Variants in HINFP observed in about 807,000 individuals in gnomAD.
The protein encoded by HINFP is histone H4 transcription factor.
HINFP carries 20 observed loss-of-function variants against 50.1 expected under a neutral mutation model. That is an observed-to-expected ratio of 0.40 (90% CI 0.28 to 0.58). The LOEUF is 0.58. Ranked by LOEUF, HINFP falls within the 20% of genes least tolerant of loss-of-function variation. The pLI, the probability that HINFP is intolerant of heterozygous loss-of-function variation, is 0.45. For synonymous variants in HINFP, 247 were observed against 243.7 expected, an observed-to-expected ratio of 1.01 and a Z score of -0.13; for missense variants, 505 against 664.1, an observed-to-expected ratio of 0.76 and a Z score of 2.63.
intron 1 of HINFP, among the ~76,000 whole-genome samples, chr11:119,122,896 G>T (rs1358471918): frequency 6.6e-6 from 1 of 152,126 alleles, no homozygotes; most frequent in Non-Finnish European, 1.5e-5. Context: ...GCCGAGGCGG[G>T]CGGATCACTT....
chr11:119,132,113 C>T (rs1455780852), intron 5 of HINFP, 131 bp downstream of exon 5: 2 of 886,600 alleles, frequency 2.3e-6, no homozygotes, highest in East Asian at 2.4e-5. Flanking sequence ...GCTCAGGCAC[C>T]TCCCATAGTC....
At chr11:119,127,196 A>T in intron 2 of HINFP, 71 bp downstream of exon 2, 1 of 1,311,518 alleles carries the variant, frequency 7.6e-7, no homozygotes, top group South Asian at 1.6e-5. Context: ...TTTTCCTTAG[A>T]GGGAGAAGGC....
Position 119,130,787 on chromosome 11 carries a change from C to G in HINFP, c.244C>G (p.Leu82Val), listed in dbSNP as rs764119707. Reference protein sequence around the residue: ...GFCSLDSSADLIRHVYFHCYH... With the variant: ...GFCSLDSSADVIRHVYFHCYH... ...TTGTTCTCTGGACAGTTCTGCTGAC[C>G]TCATCCGCCATGTCTACTTCCACTG... The change falls in exon 3 of 10, where the codon CTC becomes GTC. Residue 82 changes from leucine to valine, a missense_variant. Physicochemically the swap from Leu to Val is conservative, Grantham distance 32. Transcript: ENST00000350777. 9 of 1,614,200 alleles carry G rather than the reference C, an allele frequency of 5.6e-6. No homozygotes were observed. The highest frequency in any genetic ancestry group is 6.8e-6 in the Non-Finnish European group (8 of 1,180,032).
chr11:119,127,106 AGAG>A lies in HINFP; in HGVS notation c.168_170del (p.Glu56del). 6.2e-7 allele frequency: 1 copy of A among 1,612,468 alleles called. No homozygotes were observed. The highest frequency in any genetic ancestry group is 8.5e-7 in the Non-Finnish European group (1 of 1,179,638). On this transcript the variant is annotated inframe_deletion, in exon 2 of 10. Transcript: ENST00000350777. ...GCTCTGGGGAGGAGGAGGAAGAGGA[AGAG>A]GAGGATGACCCACTTGGTAAGAGAG...
chr11:119,134,494 T>C lies in HINFP; in HGVS notation c.1550T>C (p.Val517Ala). 6.3e-7 allele frequency: 1 copy of C among 1,593,948 alleles called. No homozygotes were observed. The highest frequency in any genetic ancestry group is 8.6e-7 in the Non-Finnish European group (1 of 1,168,018). Residue 517 changes from valine (V) to alanine (A), a missense_variant, in exon 10 of 10, where the codon GTT becomes GCT. Val to Ala is a moderately conservative substitution (Grantham distance 64). Coordinates refer to ENST00000350777, the MANE Select transcript of HINFP (RefSeq NM_198971.3). The surrounding 1 kb of genome is among the most constrained non-coding windows in gnomAD (Gnocchi z 4.3). ...GCTGAGGAGCCAGAGATCCAGATGG[T>C]TTGAAGGCCGCAGAGCCAGACCATT... Reference protein sequence around the residue: ...GIAEEPEIQMV With the variant: ...GIAEEPEIQMA
chr11:119,122,806 T>C (rs541217084), intron 1 of HINFP, among the ~76,000 whole-genome samples: 6 of 152,024 alleles, frequency 3.9e-5, no homozygotes, highest in Admixed American at 1.3e-4. Context: ...GAGAAGACTT[T>C]GGGGTTTGAA....
rs764957051 is a variant in HINFP at position 119,130,966 on chromosome 11, G to C, written c.411+12G>C. 5 of 1,609,812 alleles carry C rather than the reference G, an allele frequency of 3.1e-6. No homozygotes were observed. Among genetic ancestry groups the C allele is most frequent in the Non-Finnish European group, 3.4e-6 (4 of 1,176,142 alleles). ...GGGAGCACTGTGAGGTCAGCAGGCA[G>C]TGCCAGTAATTGGGGTGGAAGGAAG... On this transcript the variant is annotated intron_variant, in intron 3 of 9. Transcript: ENST00000350777.
chr11:119,135,422 G>A lies in HINFP; in HGVS notation c.*924G>A, dbSNP rs953605440. ...TTTACCTGGGAGTGGGAAGGAAGCT[G>A]GGGGGTGGAGAGGATTGGGAAGCCT... On this transcript the variant is annotated 3_prime_UTR_variant, in exon 10 of 10. Transcript: ENST00000350777. 1 of 152,152 alleles carries A rather than the reference G, an allele frequency of 6.6e-6. No homozygotes were observed. Among genetic ancestry groups the A allele is most frequent in the African/African-American group, 2.4e-5 (1 of 41,398 alleles). The allele number at this position is 152,152 out of a possible 1,614,324, so 9.4% of individuals were successfully genotyped here.
chr11:119,133,229 T>C lies in HINFP; in HGVS notation c.1139+10T>C, dbSNP rs1444601738. The C allele has an allele frequency of 3.1e-6, 5 of 1,613,766 alleles. No individual in the cohort carries two copies. Among genetic ancestry groups the C allele is most frequent in the Non-Finnish European group, 4.2e-6 (5 of 1,179,966 alleles). ...GGCATCCCCGTTTTCGGTATGTCTC[T>C]CAACCCTCCTTCCCAGATTAACACA... On this transcript the variant is annotated intron_variant, in intron 9 of 9. Transcript: ENST00000350777.
In HINFP at chr11:119,132,549, T is replaced by C. The variant is rs751477070; in HGVS notation, c.730T>C (p.Leu244=). ...CAAGAGATTTGCCACAGAGCGGCTA[T>C]TGCGGGACCACATGCGCAACCATGG... ...CSKRFATERL[L]RDHMRNHVNH... is the part of the protein sequence containing the mutation. Residue 244 remains leucine (L), a synonymous_variant, in exon 6 of 10, where the codon TTG becomes CTG. Coordinates refer to ENST00000350777, the MANE Select transcript of HINFP (RefSeq NM_198971.3). 6 of 1,614,046 alleles carry C rather than the reference T, an allele frequency of 3.7e-6. No individual in the cohort carries two copies. The East Asian group carries it at 1.1e-4, about 30-fold the overall frequency.
rs1379035919 is a variant in HINFP, at chr11:119,127,135, C to G, written c.181+10C>G. 4 of 1,590,976 alleles carry G rather than the reference C, an allele frequency of 2.5e-6. No individual in the cohort carries two copies. Among genetic ancestry groups the G allele is most frequent in the Non-Finnish European group, 2.6e-6 (3 of 1,168,730 alleles). On this transcript the variant is annotated intron_variant, in intron 2 of 9. Coordinates refer to ENST00000350777, the MANE Select transcript of HINFP (RefSeq NM_198971.3). ...GAGGATGACCCACTTGGTAAGAGAG[C>G]AGGACACAGGAAGGGGAGGAGCTCA...
intron 2 of HINFP, among the ~76,000 whole-genome samples, chr11:119,128,233 A>G (rs1343152884): frequency 6.6e-6 from 1 of 152,150 alleles, no homozygotes; most frequent in Non-Finnish European, 1.5e-5. Flanking sequence ...GATTTTAATA[A>G]AATCCAATCT....
intron 2 of HINFP, among the ~76,000 whole-genome samples, chr11:119,128,569 C>G (rs1235812982): frequency 6.6e-6 from 1 of 151,744 alleles, no homozygotes; most frequent in Non-Finnish European, 1.5e-5. Flanking sequence ...CTCAGGTGAT[C>G]CGCCCGCCTC....
intron 9 of HINFP, chr11:119,133,535 T>C (rs1947898657): frequency 3.4e-6 from 1 of 291,186 alleles, no homozygotes; most frequent in Non-Finnish European, 6.5e-6. Flanking sequence ...GCTGAGATCA[T>C]GCCACTGCAC....
intron 2 of HINFP, among the ~76,000 whole-genome samples, chr11:119,129,378 A>T (rs1263391400): frequency 6.6e-6 from 1 of 151,312 alleles, no homozygotes; most frequent in Non-Finnish European, 1.5e-5. Flanking sequence ...TTGCTATGTT[A>T]CCAGGTTGAT....
intron 1 of HINFP, among the ~76,000 whole-genome samples, chr11:119,123,035 C>G (rs1030610837): frequency 1.4e-5 from 2 of 138,308 alleles, no homozygotes; most frequent in Non-Finnish European, 3.0e-5. Context: ...GGCTAAGTCA[C>G]GAGAATCGCT....
rs148442653 is a variant in HINFP at position 119,134,597 on chromosome 11, A to G, written c.*99A>G. On this transcript the variant is annotated 3_prime_UTR_variant, in exon 10 of 10. Transcript: ENST00000350777. This position sits in a 1 kb window ranked among gnomAD's most constrained non-coding sequence, Gnocchi z 4.3. ...GCAGCCGTTGCCAATGGATGCCTTT[A>G]GGAGTGGTGCCGAGAGCAGTGTGGT... 48 of 926,826 alleles carry G rather than the reference A, an allele frequency of 5.2e-5. No individual in the cohort carries two copies. In the East Asian group the frequency reaches 1.2e-3, roughly 24 times the overall value. The allele number at this position is 926,826 out of a possible 1,614,324, so 57.4% of individuals were successfully genotyped here.
intron 2 of HINFP, among the ~76,000 whole-genome samples, chr11:119,127,928 T>G (rs1166995312): frequency 4.0e-5 from 6 of 151,554 alleles, no homozygotes; most frequent in Non-Finnish European, 7.4e-5. Context: ...CGATCTCGGC[T>G]CACTGCAGCC....
chr11:119,132,724 A>G lies in HINFP; in HGVS notation c.818A>G (p.His273Arg). ...TCPLPSSLRN[H>R]MRFRHSEDRP... ...CCGCTGCCTTCCTCCCTCCGCAACC[A>G]CATGCGCTTTCGTCACAGTGAGGAC... Residue 273 changes from histidine (H) to arginine (R), a missense_variant, in exon 7 of 10, where the codon CAC becomes CGC. Transcript: ENST00000350777. The G allele has an allele frequency of 6.2e-7, 1 of 1,613,880 alleles. No individual in the cohort carries two copies. The highest frequency in any genetic ancestry group is 8.5e-7 in the Non-Finnish European group (1 of 1,180,014).
Sources: allele counts gnomAD v4.1 joint callset (sites outside exome capture counted in the v4.1 genomes callset), GRCh38; gene constraint gnomAD v4.1.1; non-coding constraint Gnocchi (gnomAD v3.1); transcripts MANE v1.5; gene names NCBI Gene and HGNC (gene_info 2026-07-23, HGNC 2026-07-21).